The following LRRC4C variants were observed in gnomAD, a reference collection of about 807,000 sequenced individuals.
LRRC4C encodes leucine-rich repeat-containing protein 4C.
LRRC4C carries 5 observed loss-of-function variants against 33.6 expected under a neutral mutation model. The observed-to-expected ratio is 0.15, with a 90% CI of 0.08 to 0.31. The LOEUF is 0.31. LRRC4C is among the 10% of genes least tolerant of loss of function. The pLI, the probability that LRRC4C is intolerant of heterozygous loss-of-function variation, is 1.00. For synonymous variants in LRRC4C, 329 were observed against 302.0 expected (o/e 1.09, Z -0.93); for missense variants, 560 against 796.7 (o/e 0.70, Z 3.58).
At chr11:40,434,700 GA>G (rs1411863066) in intron 3 of LRRC4C, among the ~76,000 whole-genome samples, 1 of 152,088 alleles carries the variant, frequency 6.6e-6, no homozygotes, top group Non-Finnish European at 1.5e-5. Context: ...AATTACTGTT[GA>G]ACACAATAGA....
chr11:40,489,060 A>G (rs1954015083), intron 3 of LRRC4C, among the ~76,000 whole-genome samples: 2 of 152,130 alleles, frequency 1.3e-5, no homozygotes, highest in African/African-American at 4.8e-5. Flanking sequence ...TCCCTTCTCT[A>G]TCGGGCTTGT....
chr11:40,419,427 G>A (rs1257023261), intron 3 of LRRC4C, among the ~76,000 whole-genome samples: 2 of 152,066 alleles, frequency 1.3e-5, no homozygotes, highest in African/African-American at 4.8e-5. Context: ...ACATCCCAGG[G>A]AGACAATAAT....
intron 2 of LRRC4C, among the ~76,000 whole-genome samples, chr11:40,845,123 ATC>A (rs961740126): frequency 1.3e-5 from 2 of 151,662 alleles, no homozygotes; most frequent in Non-Finnish European, 1.5e-5. Flanking sequence ...TTTTTTCATA[ATC>A]TCTTTTTTCT....
intron 1 of LRRC4C, among the ~76,000 whole-genome samples, chr11:41,412,174 T>A (rs576168798): frequency 1.3e-5 from 2 of 152,286 alleles, no homozygotes; most frequent in African/African-American, 4.8e-5. Flanking sequence ...TATTTCTTGA[T>A]TTAACCCACC....
At chr11:41,407,146 A>T (rs1211139224) in intron 1 of LRRC4C, among the ~76,000 whole-genome samples, 1 of 152,136 alleles carries the variant, frequency 6.6e-6, no homozygotes, top group Non-Finnish European at 1.5e-5. Context: ...TGGACCACGA[A>T]AAAACTGGAA....
At chr11:40,519,576 TA>T (rs1422568784) in intron 3 of LRRC4C, among the ~76,000 whole-genome samples, 3 of 152,176 alleles carry the variant, frequency 2.0e-5, no homozygotes, top group African/African-American at 7.2e-5. Context: ...GGCTTTGTCT[TA>T]ACGGAATGTT....
intron 3 of LRRC4C, among the ~76,000 whole-genome samples, chr11:40,344,821 T>G (rs1947048006): frequency 6.6e-5 from 10 of 151,896 alleles, no homozygotes; most frequent in Admixed American, 6.6e-4. Flanking sequence ...GGATACAAAA[T>G]CAATGTAAAA....
In LRRC4C at chr11:41,392,705, T is replaced by C. The variant is rs891170141; in HGVS notation, c.-496+66726A>G. Among the ~76,000 whole-genome samples the C allele has an allele frequency of 8.0e-5, 12 of 150,306 alleles. No individual in the cohort carries two copies. In the Admixed American group the frequency reaches 8.1e-4, roughly 10 times the overall value. The stretch of plus-strand genomic sequence containing the variant: ...AATGACTGATATCCTTATGAAAAGG[T>C]CATTTAAAGACACACACAGGGAAGA... On this transcript the variant is annotated intron_variant, in intron 1 of 6. Coordinates refer to ENST00000528697, the MANE Select transcript of LRRC4C (RefSeq NM_001258419.2).
chr11:40,717,364 T>A (rs1324904947), intron 2 of LRRC4C, among the ~76,000 whole-genome samples: 1 of 151,992 alleles, frequency 6.6e-6, no homozygotes, highest in Non-Finnish European at 1.5e-5. Context: ...TGGAAGTCAG[T>A]CCAAAGTCTT....
intron 1 of LRRC4C, among the ~76,000 whole-genome samples, chr11:41,330,397 G>T (rs569388874): frequency 6.6e-6 from 1 of 152,162 alleles, no homozygotes; most frequent in African/African-American, 2.4e-5. Context: ...AAAACATTAA[G>T]GAAAGTGTTA....
intron 1 of LRRC4C, among the ~76,000 whole-genome samples, chr11:41,295,398 A>T (rs1199629686): frequency 6.6e-6 from 1 of 152,186 alleles, no homozygotes; most frequent in Non-Finnish European, 1.5e-5. Flanking sequence ...TTAGCAATAT[A>T]CAACTCCTAT....
At chr11:40,413,447 T>C (rs1324941371) in intron 3 of LRRC4C, among the ~76,000 whole-genome samples, 7 of 152,096 alleles carry the variant, frequency 4.6e-5, no homozygotes, top group Non-Finnish European at 7.4e-5. Flanking sequence ...CATTTGTAAA[T>C]CTTTTACATC....
At chr11:40,702,339 A>G (rs1161785259) in intron 2 of LRRC4C, among the ~76,000 whole-genome samples, 4 of 152,156 alleles carry the variant, frequency 2.6e-5, no homozygotes, top group African/African-American at 4.8e-5. Context: ...TAGAGATTTT[A>G]TGAAAAAAGT....
intron 1 of LRRC4C, among the ~76,000 whole-genome samples, chr11:41,295,964 T>G (rs1414070138): frequency 6.6e-6 from 1 of 152,218 alleles, no homozygotes; most frequent in Non-Finnish European, 1.5e-5. Flanking sequence ...CAGAACTTAC[T>G]CTCATTTTTG....
chr11:40,127,426 T>A (rs7936359), intron 6 of LRRC4C, among the ~76,000 whole-genome samples: 32,848 of 151,908 alleles, frequency 0.22, 3,722 homozygotes, highest in East Asian at 0.27. Flanking sequence ...AAGAAAACTG[T>A]CTTAATGGAA....
At chr11:40,174,137 T>G (rs1015870137) in intron 5 of LRRC4C, among the ~76,000 whole-genome samples, 2 of 152,188 alleles carry the variant, frequency 1.3e-5, no homozygotes, top group Admixed American at 6.5e-5. Context: ...GCACGCTGCA[T>G]GAACCACATT....
intron 1 of LRRC4C, among the ~76,000 whole-genome samples, chr11:41,124,043 A>T (rs1025417154): frequency 7.9e-5 from 12 of 152,186 alleles, no homozygotes; most frequent in African/African-American, 2.9e-4. Flanking sequence ...ACAGTTTCAC[A>T]TAGAAACAAC....
chr11:40,880,333 G>A (rs1955105468), intron 2 of LRRC4C, among the ~76,000 whole-genome samples: 1 of 152,050 alleles, frequency 6.6e-6, no homozygotes, highest in African/African-American at 2.4e-5. Flanking sequence ...GATTGCTATT[G>A]CATTAAGTCA....
intron 3 of LRRC4C, among the ~76,000 whole-genome samples, chr11:40,467,586 G>A (rs572062664): frequency 1.3e-5 from 2 of 152,288 alleles, no homozygotes; most frequent in South Asian, 4.1e-4. Context: ...TATGGTTTCA[G>A]TAGGTCTAAG....
Sources: gnomAD v4.1 joint callset for allele counts (sites outside exome capture counted in the v4.1 genomes callset) on GRCh38, gnomAD v4.1.1 for gene constraint, MANE v1.5 for transcripts, NCBI Gene and HGNC (gene_info 2026-07-23, HGNC 2026-07-21) for gene names.